Variants in ADD2 observed in about 807,000 individuals in gnomAD.
ADD2 encodes the protein beta-adducin.
In ADD2, 23 loss-of-function variants were observed where a neutral mutation model predicts 83.0. That is an observed-to-expected ratio of 0.28 (90% CI 0.20 to 0.39). ADD2 has a LOEUF of 0.39. Ranked by LOEUF, ADD2 falls within the 10% of genes least tolerant of loss-of-function variation. The pLI is 1.00. For synonymous variants in ADD2, 375 were observed against 375.4 expected, an observed-to-expected ratio of 1.00 and a Z score of 0.01; for missense variants, 758 against 944.9, an observed-to-expected ratio of 0.80 and a Z score of 2.59.
At position 70,661,979 on chromosome 2, in the gene ADD2, T is replaced by C. The variant is rs531001426; in HGVS notation, c.*1446A>G. On this transcript the variant is annotated 3_prime_UTR_variant, in exon 16 of 16. Transcript: ENST00000264436. ...GATCTTACCCCCCTCAAAGGATTACTGTGAGGGTTAAAGAATGTAATGTAT... is the reference window on the plus strand; with the variant it reads ...GATCTTACCCCCCTCAAAGGATTACCGTGAGGGTTAAAGAATGTAATGTAT... 4.6e-5 allele frequency: 7 copies of C among 152,302 alleles called. No homozygotes were observed. The East Asian group carries it at 1.4e-3, about 29-fold the overall frequency. 9.4% of individuals were successfully genotyped at this position (152,302 alleles called of 1,614,324 possible). A position where few individuals can be genotyped will look rare whatever the true frequency, so the allele number is the denominator to read the frequency against.
chr2:70,761,151 GTCTAGATAGCAGC>G (rs1574334280), intron 1 of ADD2, among the ~76,000 whole-genome samples: 1 of 151,814 alleles, frequency 6.6e-6, no homozygotes, highest in East Asian at 1.9e-4. Context: ...GTAACTCTCA[GTCTAGATAGCAGC>G]TGTTAGTATG....
chr2:70,704,263 T>TGCCCCCCCCCCCCAC, intron 4 of ADD2, 58 bp downstream of exon 4: 1 of 913,238 alleles, frequency 1.1e-6, no homozygotes, highest in Non-Finnish European at 1.7e-6. Context: ...CTCCCTCTCT[T>TGCCCCCCCCCCCCAC]CCCCACCCCA....
chr2:70,704,109 G>C (rs184657872), intron 4 of ADD2, among the ~76,000 whole-genome samples: 236 of 152,196 alleles, frequency 1.6e-3, no homozygotes, highest in African/African-American at 3.8e-3. Context: ...TGGCATTGGG[G>C]TAATTTTTCT....
At chr2:70,744,330 A>C (rs1321227236) in intron 1 of ADD2, among the ~76,000 whole-genome samples, 1 of 152,232 alleles carries the variant, frequency 6.6e-6, no homozygotes, top group African/African-American at 2.4e-5. Context: ...CAGGAAACAC[A>C]CATTGAAGTA....
At chr2:70,665,795 A>G (rs1675766933) in intron 15 of ADD2, among the ~76,000 whole-genome samples, 1 of 151,148 alleles carries the variant, frequency 6.6e-6, no homozygotes, top group Non-Finnish European at 1.5e-5. Context: ...CAGCATCTGC[A>G]AAACGATCAC....
chr2:70,723,360 C>G (rs1320681875), intron 1 of ADD2, among the ~76,000 whole-genome samples: 1 of 151,732 alleles, frequency 6.6e-6, no homozygotes, highest in African/African-American at 2.4e-5. Context: ...TAAATCATTC[C>G]TCATATGGAT....
intron 1 of ADD2, among the ~76,000 whole-genome samples, chr2:70,739,851 C>A (rs1673787158): frequency 6.6e-6 from 1 of 152,138 alleles, no homozygotes; most frequent in Admixed American, 6.5e-5. Context: ...AAAGGAACAG[C>A]AAACACTGGG....
chr2:70,662,636 T>C lies in ADD2; in HGVS notation c.*789A>G, dbSNP rs1304207991. Reference sequence around the variant, plus strand: ...ATTTCTGCCCTGAGCATTAAACAACTTTTTCCTATGCTAAATTTGGTTTTA... The same window carrying C: ...ATTTCTGCCCTGAGCATTAAACAACCTTTTCCTATGCTAAATTTGGTTTTA... On this transcript the variant is annotated 3_prime_UTR_variant, in exon 16 of 16. Coordinates refer to ENST00000264436, the MANE Select transcript of ADD2 (RefSeq NM_001617.4). The C allele has an allele frequency of 1.3e-5, 2 of 152,340 alleles. No individual in the cohort carries two copies. The highest frequency in any genetic ancestry group is 6.5e-5 in the Admixed American group (1 of 15,302). The allele number at this position is 152,340 out of a possible 1,614,324, so 9.4% of individuals were successfully genotyped here.
chr2:70,674,723 C>T lies in ADD2; in HGVS notation c.1696G>A (p.Glu566Lys). Residue 566 changes from glutamate to lysine, a missense_variant, in exon 14 of 16, where the codon GAG becomes AAG. Glu to Lys is a moderately conservative substitution (Grantham distance 56, BLOSUM62 1). Around this residue, in one of 5 missense-constraint regions of ADD2, gnomAD observed 14 missense variants for 36.2 expected, o/e 0.39. Coordinates refer to ENST00000264436, the MANE Select transcript of ADD2 (RefSeq NM_001617.4). ...CTCTCCACCTCTTTCTTGTACTCCT[C>T]CAACTCCTGGTCAGTGAGTTGGCTG... Reference protein sequence around the residue: ...PFSQLTDQELEEYKKEVERKK... With the variant: ...PFSQLTDQELKEYKKEVERKK... 1 of 1,614,118 alleles carries T rather than the reference C, an allele frequency of 6.2e-7. No individual in the cohort carries two copies. Among genetic ancestry groups the T allele is most frequent in the Non-Finnish European group, 8.5e-7 (1 of 1,180,024 alleles).
chr2:70,692,674 C>G, intron 6 of ADD2, 122 bp from the exon 7 acceptor site: 13 of 1,080,596 alleles, frequency 1.2e-5, no homozygotes, highest in Non-Finnish European at 1.5e-5. Context: ...ACACCATGAG[C>G]AATGACGGAC....
Position 70,678,843 on chromosome 2 carries a change from G to A in ADD2, c.1244C>T (p.Pro415Leu), listed in dbSNP as rs782715964. 3.2e-5 allele frequency: 51 copies of A among 1,614,008 alleles called. No individual in the cohort carries two copies. Among genetic ancestry groups the A allele is most frequent in the African/African-American group, 1.5e-4 (11 of 74,902 alleles). The part of the protein sequence containing the change: ...TAFVFEEDGA[P>L]VPALRQHAQK... Reference sequence around the variant, plus strand: ...GGCATGCTGTCGCAGGGCGGGCACCGGGGCACCGTCCTCCTCAAACACGAA... The same window carrying A: ...GGCATGCTGTCGCAGGGCGGGCACCAGGGCACCGTCCTCCTCAAACACGAA... Residue 415 changes from proline (P) to leucine (L), a missense_variant, in exon 11 of 16, where the codon CCG becomes CTG. Pro to Leu is a moderately conservative substitution (Grantham distance 98). This residue lies in a region of ADD2 where 394 missense variants were observed against 509.3 expected (regional missense o/e 0.77). Transcript: ENST00000264436.
chr2:70,748,649 G>A (rs1553382436), intron 1 of ADD2, among the ~76,000 whole-genome samples: 1 of 152,178 alleles, frequency 6.6e-6, no homozygotes, highest in African/African-American at 2.4e-5. Context: ...GGTCCTCTGA[G>A]CCACTCTTTG....
chr2:70,756,304 C>A (rs1390919374), intron 1 of ADD2, among the ~76,000 whole-genome samples: 3 of 152,086 alleles, frequency 2.0e-5, no homozygotes, highest in Non-Finnish European at 4.4e-5. Flanking sequence ...CTTAGAGAAA[C>A]TGCACACACT....
chr2:70,705,705 C>T (rs1276770255), intron 3 of ADD2, among the ~76,000 whole-genome samples: 4 of 152,208 alleles, frequency 2.6e-5, no homozygotes, highest in Non-Finnish European at 4.4e-5. Context: ...TCCCTTCCCA[C>T]ACCCCATCCC....
At chr2:70,737,416 TC>T (rs1187251905) in intron 1 of ADD2, among the ~76,000 whole-genome samples, 4 of 152,098 alleles carry the variant, frequency 2.6e-5, no homozygotes, top group Non-Finnish European at 4.4e-5. Context: ...TGAGTTCATA[TC>T]CTTTGTAGGG....
intron 15 of ADD2, among the ~76,000 whole-genome samples, chr2:70,669,646 T>C (rs1669818848): frequency 6.6e-6 from 1 of 152,210 alleles, no homozygotes; most frequent in Admixed American, 6.5e-5. Context: ...GTATCCACAC[T>C]GAATCTGGGC....
At position 70,737,110 on chromosome 2, in the gene ADD2, C is replaced by T. The variant is rs368877441; in HGVS notation, c.-153-23926G>A. 5.5e-3 allele frequency among the ~76,000 whole-genome samples: 833 copies of T among 152,212 alleles called. 5 individuals are homozygous for T. The highest frequency in any genetic ancestry group is 0.019 in the African/African-American group (809 of 41,522). On this transcript the variant is annotated intron_variant, in intron 1 of 15. Transcript: ENST00000264436. ...GTGAGGATGTGGAGAAATAGGAACA[C>T]TTTTACACTGTTGGTGGGACTGTAA...
At chr2:70,710,547 A>T (rs1672128699) in intron 2 of ADD2, among the ~76,000 whole-genome samples, 1 of 152,238 alleles carries the variant, frequency 6.6e-6, no homozygotes, top group Admixed American at 6.5e-5. Flanking sequence ...TCACCATCAC[A>T]GCAGGGGCCT....
intron 4 of ADD2, among the ~76,000 whole-genome samples, chr2:70,698,635 GATCATTATATTATT>G (rs1333477694): frequency 6.6e-5 from 10 of 152,034 alleles, no homozygotes; most frequent in African/African-American, 2.2e-4. Context: ...ATCCTGATTT[GATCATTATATTATT>G]ATTTATATAT....
Sources: gnomAD v4.1 joint callset for allele counts (sites outside exome capture counted in the v4.1 genomes callset) on GRCh38, gnomAD v4.1.1 for gene constraint, gnomAD v4.1.1 regional missense constraint, MANE v1.5 for transcripts, NCBI Gene and HGNC (gene_info 2026-07-23, HGNC 2026-07-21) for gene names.